The following TXNRD1 variants were observed in gnomAD, a reference collection of about 807,000 sequenced individuals.
TXNRD1 encodes thioredoxin reductase 1, also known as thioredoxin reductase 1, cytoplasmic.
In TXNRD1, 57 loss-of-function variants were observed where a neutral mutation model predicts 80.3. That is an observed-to-expected ratio of 0.71 (90% CI 0.57 to 0.89). The LOEUF (loss-of-function observed/expected upper bound fraction) is 0.89, where lower values mean the gene tolerates loss of function less well. TXNRD1 is among the 40% of genes least tolerant of loss of function. The probability of loss-of-function intolerance (pLI) is 0.00; values close to 1 mark genes in which losing one functional copy is unlikely to be tolerated. For synonymous variants in TXNRD1, 291 were observed against 285.2 expected (o/e 1.02, Z -0.20); for missense variants, 730 against 803.0 (o/e 0.91, Z 1.10).
chr12:104,323,782 C>T (rs1389193105), intron 10 of TXNRD1, among the ~76,000 whole-genome samples: 6 of 140,074 alleles, frequency 4.3e-5, no homozygotes, highest in African/African-American at 5.2e-5. Flanking sequence ...ACCTCCCGGA[C>T]GGGGCGGCTG....
intron 3 of TXNRD1, among the ~76,000 whole-genome samples, chr12:104,283,554 A>G (rs2033920858): frequency 1.3e-5 from 2 of 151,398 alleles, no homozygotes; most frequent in African/African-American, 2.4e-5. Flanking sequence ...CCGGCCTCAC[A>G]CTCTGGCTTC....
At chr12:104,266,689 C>T (rs1394066247) in intron 3 of TXNRD1, among the ~76,000 whole-genome samples, 2 of 150,402 alleles carry the variant, frequency 1.3e-5, no homozygotes, top group African/African-American at 2.4e-5. Flanking sequence ...CAGGGCCGGG[C>T]GCGGTGGCTC....
At chr12:104,286,397 A>G (rs2033971771) in intron 3 of TXNRD1, among the ~76,000 whole-genome samples, 1 of 152,166 alleles carries the variant, frequency 6.6e-6, no homozygotes, top group Non-Finnish European at 1.5e-5. Context: ...CTAATAAGGA[A>G]GAGGTGCTCT....
At chr12:104,264,085 C>T (rs2033423702) in intron 3 of TXNRD1, among the ~76,000 whole-genome samples, 1 of 152,172 alleles carries the variant, frequency 6.6e-6, no homozygotes, top group Non-Finnish European at 1.5e-5. Context: ...CAGTTCTCAC[C>T]ACTTTGGTAT....
At chr12:104,327,402 C>G (rs762438588) in intron 12 of TXNRD1, 113 bp from the exon 13 acceptor site, 2 of 1,013,054 alleles carry the variant, frequency 2.0e-6, no homozygotes, top group Non-Finnish European at 2.8e-6. Context: ...CACATTAGAA[C>G]ATTGCCCTCA....
In TXNRD1 at chr12:104,337,069, G is replaced by A. The variant is rs568336939; in HGVS notation, c.1747-2070G>A. 4.6e-4 allele frequency among the ~76,000 whole-genome samples: 70 copies of A among 152,090 alleles called. 1 individual carries two copies. Among genetic ancestry groups the A allele is most frequent in the Non-Finnish European group, 8.7e-4 (59 of 67,918 alleles). On this transcript the variant is annotated intron_variant, in intron 15 of 16. Transcript: ENST00000525566. Reference sequence around the variant, plus strand: ...AATGCATACACATTATACAGTGTTCGTGGTTTAATTGCAGGTGGCATCCTC... The same window carrying A: ...AATGCATACACATTATACAGTGTTCATGGTTTAATTGCAGGTGGCATCCTC...
intron 14 of TXNRD1, among the ~76,000 whole-genome samples, chr12:104,332,992 A>G (rs2135867632): frequency 6.6e-6 from 1 of 151,654 alleles, no homozygotes; most frequent in African/African-American, 2.4e-5. Context: ...AGTTTGATGA[A>G]GTTACAGTTT....
At chr12:104,268,991 G>A (rs1408994221) in intron 3 of TXNRD1, among the ~76,000 whole-genome samples, 1 of 142,352 alleles carries the variant, frequency 7.0e-6, no homozygotes, top group Non-Finnish European at 1.5e-5. Flanking sequence ...TGCAACCTCT[G>A]CCTCTCGGGT....
At chr12:104,304,205 C>T in intron 4 of TXNRD1, 1 of 1,614,028 alleles carries the variant, frequency 6.2e-7, no homozygotes, top group South Asian at 1.1e-5. Context: ...CCTCGACGCC[C>T]GGTTTCTTGT....
At chr12:104,258,216 C>A in intron 3 of TXNRD1, 137 bp downstream of exon 3, 1 of 655,756 alleles carries the variant, frequency 1.5e-6, no homozygotes. Context: ...TCTTTTTGGT[C>A]TTTTAGACAG....
At position 104,338,785 on chromosome 12, in the gene TXNRD1, C is replaced by T. The variant is rs574012681; in HGVS notation, c.1747-354C>T. On this transcript the variant is annotated intron_variant, in intron 15 of 16. Coordinates refer to ENST00000525566, the MANE Select transcript of TXNRD1 (RefSeq NM_001093771.3). The stretch of plus-strand genomic sequence containing the variant: ...AGGCTGGAGTGCAGTGGCACGATCT[C>T]GGCTCACTGCAAGCTCTGCCTCCTG... 3.3e-3 allele frequency among the ~76,000 whole-genome samples: 500 copies of T among 151,888 alleles called. 1 individual carries two copies. The highest frequency in any genetic ancestry group is 0.014 in the Middle Eastern group (4 of 292).
Position 104,326,355 on chromosome 12 carries a change from G to A in TXNRD1, c.1317G>A (p.Leu439=). Residue 439 remains leucine, a synonymous_variant, in exon 12 of 17, where the codon CTG becomes CTA. Coordinates refer to ENST00000525566, the MANE Select transcript of TXNRD1 (RefSeq NM_001093771.3). ...TATTAATAATTTTTCAGGTGATGCT[G>A]GCAATAGGAAGAGATGCTTGCACAA... The part of the protein sequence containing the change: ...IIEGEYNTVM[L]AIGRDACTRK... 1.3e-6 allele frequency: 2 copies of A among 1,588,506 alleles called. No homozygotes were observed. The highest frequency in any genetic ancestry group is 1.7e-6 in the Non-Finnish European group (2 of 1,169,534).
intron 1 of TXNRD1, among the ~76,000 whole-genome samples, chr12:104,219,657 AT>A (rs2032304896): frequency 6.6e-6 from 1 of 152,032 alleles, no homozygotes; most frequent in Non-Finnish European, 1.5e-5. Context: ...GCTTGCAAAC[AT>A]TTTTCCTGCT....
intron 3 of TXNRD1, among the ~76,000 whole-genome samples, chr12:104,272,361 T>A (rs1170735663): frequency 3.9e-5 from 6 of 152,096 alleles, no homozygotes; most frequent in African/African-American, 1.4e-4. Flanking sequence ...GAAAAATCAT[T>A]ATGACAGAGC....
At chr12:104,229,588 A>ATTGTATTTTATTTTATTTTC (rs2032565482) in intron 1 of TXNRD1, among the ~76,000 whole-genome samples, 1 of 148,898 alleles carries the variant, frequency 6.7e-6, no homozygotes, top group African/African-American at 2.5e-5. Flanking sequence ...ATTTTATTTT[A>ATTGTATTTTATTTTATTTTC]TTTTATTTTA....
chr12:104,339,122 A>G lies in TXNRD1; in HGVS notation c.1747-17A>G, dbSNP rs779112900. On this transcript the variant is annotated splice_polypyrimidine_tract_variant and intron_variant, in intron 15 of 16. Transcript: ENST00000525566. ...AAAATCAGCTTAATTGCATTATTGTATTTTTTTTTGCCTTAGGAACGTGTT... is the reference window on the plus strand; with the variant it reads ...AAAATCAGCTTAATTGCATTATTGTGTTTTTTTTTGCCTTAGGAACGTGTT... 2 of 1,559,586 alleles carry G rather than the reference A, an allele frequency of 1.3e-6. No individual in the cohort carries two copies. The highest frequency in any genetic ancestry group is 1.7e-5 in the Admixed American group (1 of 57,298).
chr12:104,345,080 A>G (rs2036448251), intron 16 of TXNRD1, among the ~76,000 whole-genome samples: 1 of 152,244 alleles, frequency 6.6e-6, no homozygotes. Context: ...TTATTAGTCC[A>G]TAATGATAGA....
At chr12:104,298,967 C>T (rs1240109428) in intron 4 of TXNRD1, among the ~76,000 whole-genome samples, 2 of 152,086 alleles carry the variant, frequency 1.3e-5, no homozygotes, top group Non-Finnish European at 2.9e-5. Flanking sequence ...GGGATTGGTT[C>T]CAGGACCCTT....
At chr12:104,220,426 T>A (rs532714481) in intron 1 of TXNRD1, among the ~76,000 whole-genome samples, 8 of 152,312 alleles carry the variant, frequency 5.3e-5, no homozygotes, top group East Asian at 1.9e-4. Flanking sequence ...TTAGCTTTTT[T>A]AAAAAGTGTA....
Sources: gnomAD v4.1 joint callset for allele counts (sites outside exome capture counted in the v4.1 genomes callset) on GRCh38, gnomAD v4.1.1 for gene constraint, MANE v1.5 for transcripts, NCBI Gene and HGNC (gene_info 2026-07-23, HGNC 2026-07-21) for gene names.